EYA1: variants seen among roughly 807,000 people sequenced by gnomAD.
EYA1 encodes the protein protein phosphatase EYA1.
EYA1 carries 16 observed loss-of-function variants against 82.0 expected under a neutral mutation model. The ratio of observed to expected loss-of-function variants is 0.20; its 90% confidence interval spans 0.13 to 0.30. The LOEUF (loss-of-function observed/expected upper bound fraction) is 0.30. Ranked by LOEUF, EYA1 falls within the 10% of genes least tolerant of loss-of-function variation. EYA1 has a pLI of 1.00. For synonymous variants in EYA1, 261 were observed against 264.4 expected (o/e 0.99, Z 0.12); for missense variants, 633 against 730.7 (o/e 0.87, Z 1.54).
chr8:71,488,198 T>C (rs1286087098), intron 2 of EYA1, among the ~76,000 whole-genome samples: 1 of 151,400 alleles, frequency 6.6e-6, no homozygotes, highest in African/African-American at 2.4e-5. Flanking sequence ...ATCAATGATA[T>C]AAAGGATAAA....
intron 2 of EYA1, among the ~76,000 whole-genome samples, chr8:71,514,001 A>C (rs1166115418): frequency 1.3e-5 from 2 of 152,112 alleles, no homozygotes; most frequent in Non-Finnish European, 2.9e-5. Context: ...TCCACTGTGT[A>C]TATGTACCAC....
intron 9 of EYA1, among the ~76,000 whole-genome samples, chr8:71,297,696 C>A (rs963563331): frequency 6.6e-6 from 1 of 152,050 alleles, no homozygotes; most frequent in African/African-American, 2.4e-5. Flanking sequence ...AGAGAAAGTT[C>A]TATAAGAACT....
chr8:71,294,732 A>G (rs1279976996), intron 9 of EYA1, among the ~76,000 whole-genome samples: 4 of 152,222 alleles, frequency 2.6e-5, no homozygotes, highest in African/African-American at 9.6e-5. Context: ...GATACTGACA[A>G]ATTGATTCTA....
chr8:71,454,968 A>G (rs1381824353), intron 2 of EYA1, among the ~76,000 whole-genome samples: 21 of 152,210 alleles, frequency 1.4e-4, no homozygotes, highest in Admixed American at 1.4e-3. Context: ...TGAATCCAGG[A>G]GCTGGTTTTT....
chr8:71,199,898 C>T (rs1424089746), intron 17 of EYA1: 3 of 171,018 alleles, frequency 1.8e-5, no homozygotes, highest in Non-Finnish European at 3.8e-5. Flanking sequence ...CTCAGTTATT[C>T]TTCATATTGA....
chr8:71,420,089 T>G (rs1831062689), intron 2 of EYA1, among the ~76,000 whole-genome samples: 1 of 152,186 alleles, frequency 6.6e-6, no homozygotes, highest in African/African-American at 2.4e-5. Context: ...CATGCATAAT[T>G]GATAGGCTCC....
chr8:71,394,645 G>T (rs1279061913), intron 2 of EYA1, among the ~76,000 whole-genome samples: 1 of 152,034 alleles, frequency 6.6e-6, no homozygotes, highest in Non-Finnish European at 1.5e-5. Flanking sequence ...TGTTCTATTG[G>T]TCTATATATC....
chr8:71,361,323 T>C (rs1478442752), intron 1 of EYA1, among the ~76,000 whole-genome samples: 2 of 152,250 alleles, frequency 1.3e-5, no homozygotes, highest in Admixed American at 6.5e-5. Context: ...AAAAGAGATA[T>C]GAAGTCATCT....
At chr8:71,444,643 A>C (rs1000890714) in intron 2 of EYA1, among the ~76,000 whole-genome samples, 3 of 152,204 alleles carry the variant, frequency 2.0e-5, no homozygotes, top group African/African-American at 7.2e-5. Flanking sequence ...GAGGTGACTG[A>C]GCATCCGTAT....
chr8:71,211,769 C>T (rs188165421), intron 16 of EYA1, among the ~76,000 whole-genome samples: 6 of 152,220 alleles, frequency 3.9e-5, no homozygotes, highest in East Asian at 3.9e-4. Flanking sequence ...ACGCAAACAT[C>T]GGAATTAGCT....
chr8:71,236,053 A>AT (rs1195861239), intron 12 of EYA1, among the ~76,000 whole-genome samples: 5 of 149,786 alleles, frequency 3.3e-5, no homozygotes, highest in Non-Finnish European at 7.4e-5. Context: ...TCTTTATTTT[A>AT]TTTTTTTGAA....
At chr8:71,431,305 G>GA (rs956052558) in intron 2 of EYA1, among the ~76,000 whole-genome samples, 2 of 152,070 alleles carry the variant, frequency 1.3e-5, no homozygotes, top group African/African-American at 4.8e-5. Flanking sequence ...ATGACCTATG[G>GA]AAAAATCACA....
At chr8:71,214,849 C>T (rs1017682329) in intron 16 of EYA1, among the ~76,000 whole-genome samples, 7 of 152,158 alleles carry the variant, frequency 4.6e-5, no homozygotes, top group African/African-American at 1.7e-4. Context: ...TATGTTGATT[C>T]TGCCTTGATT....
intron 2 of EYA1, among the ~76,000 whole-genome samples, chr8:71,378,080 A>G (rs1035681077): frequency 6.6e-6 from 1 of 152,108 alleles, no homozygotes; most frequent in African/African-American, 2.4e-5. Flanking sequence ...TTCAATAACC[A>G]CAGAGATGCA....
At chr8:71,467,573 A>T (rs531534332) in intron 2 of EYA1, among the ~76,000 whole-genome samples, 122 of 152,294 alleles carry the variant, frequency 8.0e-4, no homozygotes, top group African/African-American at 2.9e-3. Context: ...GGTACTATTT[A>T]AAACTCACTA....
chr8:71,373,721 C>A (rs1038436633), intron 2 of EYA1, among the ~76,000 whole-genome samples: 4 of 152,076 alleles, frequency 2.6e-5, no homozygotes, highest in Admixed American at 6.5e-5. Context: ...AGGCATCACA[C>A]GTCCTGATTT....
intron 2 of EYA1, among the ~76,000 whole-genome samples, chr8:71,527,996 C>A (rs1424735208): frequency 1.3e-5 from 2 of 151,972 alleles, no homozygotes; most frequent in Non-Finnish European, 2.9e-5. Flanking sequence ...CTCGCCCCCA[C>A]CCCTCACACA....
chr8:71,511,987 A>G (rs544214001), intron 2 of EYA1, among the ~76,000 whole-genome samples: 5 of 151,742 alleles, frequency 3.3e-5, no homozygotes, highest in Admixed American at 6.6e-5. Context: ...AGTAAAAAGC[A>G]GGCCATATTT....
intron 11 of EYA1, among the ~76,000 whole-genome samples, chr8:71,250,525 C>T (rs1040879910): frequency 1.3e-5 from 2 of 152,212 alleles, no homozygotes; most frequent in East Asian, 3.8e-4. Context: ...TATCTTCCTC[C>T]TCCTGTTTTT....
Sources: allele counts gnomAD v4.1 joint callset (sites outside exome capture counted in the v4.1 genomes callset), GRCh38; gene constraint gnomAD v4.1.1; transcripts MANE v1.5; gene names NCBI Gene and HGNC (gene_info 2026-07-23, HGNC 2026-07-21).